Variants in MNAT1 observed in about 807,000 individuals in gnomAD.
The protein encoded by MNAT1 is MNAT1 component of CDK activating kinase.
A neutral mutation model predicts 42.0 loss-of-function variants in MNAT1; 43 were observed. The ratio of observed to expected loss-of-function variants is 1.02; its 90% CI spans 0.80 to 1.32. The LOEUF (loss-of-function observed/expected upper bound fraction) is 1.32, where lower values mean the gene tolerates loss of function less well. Ranked by LOEUF, MNAT1 falls within the 40% of genes most tolerant of loss-of-function variation. The pLI is 0.00. For synonymous variants in MNAT1, 118 were observed against 120.0 expected, an observed-to-expected ratio of 0.98 and a Z score of 0.11; for missense variants, 306 against 350.4, an observed-to-expected ratio of 0.87 and a Z score of 1.01.
intron 7 of MNAT1, among the ~76,000 whole-genome samples, chr14:60,939,978 A>G (rs1454323375): frequency 6.6e-6 from 1 of 152,110 alleles, no homozygotes; most frequent in Non-Finnish European, 1.5e-5. Flanking sequence ...TCCCTTTACC[A>G]TTATGTAATG....
chr14:60,793,131 A>C (rs934718921), intron 1 of MNAT1, among the ~76,000 whole-genome samples: 1 of 151,630 alleles, frequency 6.6e-6, no homozygotes, highest in African/African-American at 2.4e-5. Flanking sequence ...CAGCCTCCTG[A>C]GTAGCTGGGA....
intron 7 of MNAT1, among the ~76,000 whole-genome samples, chr14:60,912,950 C>G (rs970865766): frequency 6.6e-6 from 1 of 152,238 alleles, no homozygotes; most frequent in Non-Finnish European, 1.5e-5. Context: ...CTCCCCGTCA[C>G]TTTCAGGTAC....
At chr14:60,797,747 G>A (rs773215507) in intron 2 of MNAT1, among the ~76,000 whole-genome samples, 1 of 152,068 alleles carries the variant, frequency 6.6e-6, no homozygotes, top group Non-Finnish European at 1.5e-5. Flanking sequence ...CCAACATGGT[G>A]AAGTCCCATC....
At chr14:60,750,851 A>G (rs1178868711) in intron 1 of MNAT1, among the ~76,000 whole-genome samples, 1 of 152,128 alleles carries the variant, frequency 6.6e-6, no homozygotes, top group Non-Finnish European at 1.5e-5. Flanking sequence ...CCAAATATGG[A>G]AATGGTTTTG....
Position 60,930,206 on chromosome 14 carries a change from TTTATTATTATTA to T in MNAT1, c.810-37993_810-37982del, listed in dbSNP as rs71114168. Among the ~76,000 whole-genome samples the T allele has an allele frequency of 4.8e-4, 67 of 138,742 alleles. No homozygotes were observed. The South Asian group carries it at 5.7e-3, about 12-fold the overall frequency. 91.0% of individuals were successfully genotyped at this position (138,742 alleles called of 152,430 possible). On this transcript the variant is annotated intron_variant, in intron 7 of 7. Transcript: ENST00000261245. ...TATTACTAAAGATTCTTCTTCCGTC[TTTATTATTATTA>T]TTATTATTATTATTATTATTATTAT...
intron 6 of MNAT1, among the ~76,000 whole-genome samples, chr14:60,853,520 A>C (rs1019700103): frequency 1.3e-4 from 20 of 152,264 alleles, no homozygotes; most frequent in Admixed American, 7.2e-4. Context: ...CTCTCTTCCT[A>C]TTCAAATACT....
chr14:60,936,749 G>T lies in MNAT1; in HGVS notation c.810-31480G>T, dbSNP rs113678578. 3.1e-3 allele frequency among the ~76,000 whole-genome samples: 472 copies of T among 152,276 alleles called. 1 individual carries two copies. The highest frequency in any genetic ancestry group is 0.011 in the African/African-American group (449 of 41,558). ...CCTTTGGGTATATACCCAGTAATGGGATTGCTGGGTCAAATGGTATTTCTA... is the reference window on the plus strand; with the variant it reads ...CCTTTGGGTATATACCCAGTAATGGTATTGCTGGGTCAAATGGTATTTCTA... On this transcript the variant is annotated intron_variant, in intron 7 of 7. Coordinates refer to ENST00000261245, the MANE Select transcript of MNAT1 (RefSeq NM_002431.4).
At chr14:60,756,499 A>C (rs2030356353) in intron 1 of MNAT1, among the ~76,000 whole-genome samples, 1 of 152,228 alleles carries the variant, frequency 6.6e-6, no homozygotes, top group South Asian at 2.1e-4. Flanking sequence ...AATTTTAAAA[A>C]ATAGTATATT....
chr14:60,841,446 A>G (rs1294991334), intron 6 of MNAT1, among the ~76,000 whole-genome samples: 1 of 151,908 alleles, frequency 6.6e-6, no homozygotes, highest in East Asian at 1.9e-4. Flanking sequence ...TACAACACAT[A>G]AAGTTGTGTG....
At chr14:60,919,763 A>C (rs1489293488) in intron 7 of MNAT1, 1 of 157,962 alleles carries the variant, frequency 6.3e-6, no homozygotes, top group Non-Finnish European at 1.4e-5. Flanking sequence ...CTTCTGAGAG[A>C]CTTGGATGAC....
intron 1 of MNAT1, among the ~76,000 whole-genome samples, chr14:60,793,083 A>T (rs778723850): frequency 6.6e-6 from 1 of 151,636 alleles, no homozygotes; most frequent in Non-Finnish European, 1.5e-5. Flanking sequence ...CACTGGTATG[A>T]TCACAGCACA....
chr14:60,834,514 TGTGA>T (rs1271741299), intron 6 of MNAT1, among the ~76,000 whole-genome samples: 1 of 152,210 alleles, frequency 6.6e-6, no homozygotes, highest in Non-Finnish European at 1.5e-5. Context: ...TGCACTGGTG[TGTGA>T]GAGACCATTT....
At chr14:60,924,634 C>T (rs1594878993) in intron 7 of MNAT1, among the ~76,000 whole-genome samples, 2 of 23,498 alleles carry the variant, frequency 8.5e-5, no homozygotes. Flanking sequence ...ACATCACCCT[C>T]CCTGACTCTC....
At chr14:60,851,046 C>A (rs186959828) in intron 6 of MNAT1, among the ~76,000 whole-genome samples, 17 of 152,134 alleles carry the variant, frequency 1.1e-4, no homozygotes, top group African/African-American at 3.9e-4. Flanking sequence ...TAACTTTATT[C>A]TTTTTTGGGT....
intron 7 of MNAT1, among the ~76,000 whole-genome samples, chr14:60,901,667 A>G: frequency 6.6e-6 from 1 of 152,180 alleles, no homozygotes; most frequent in Non-Finnish European, 1.5e-5. Flanking sequence ...GTTAATTCCA[A>G]CCCCATGTTT....
intron 7 of MNAT1, among the ~76,000 whole-genome samples, chr14:60,900,560 G>A (rs1216611199): frequency 2.6e-5 from 4 of 152,184 alleles, no homozygotes; most frequent in South Asian, 2.1e-4. Flanking sequence ...TGCCATTTCC[G>A]TAACGTAAAG....
intron 6 of MNAT1, among the ~76,000 whole-genome samples, chr14:60,879,049 TC>T (rs1469914961): frequency 6.6e-6 from 1 of 152,080 alleles, no homozygotes; most frequent in Non-Finnish European, 1.5e-5. Flanking sequence ...TTTTTTTTTT[TC>T]CTCACAAATT....
chr14:60,883,268 G>A (rs1429208245), intron 7 of MNAT1, among the ~76,000 whole-genome samples: 2 of 152,082 alleles, frequency 1.3e-5, no homozygotes, highest in African/African-American at 2.4e-5. Context: ...GTGAGAGTTA[G>A]GGGTCTAGTT....
intron 7 of MNAT1, among the ~76,000 whole-genome samples, chr14:60,960,874 T>C (rs560267683): frequency 6.6e-6 from 1 of 152,346 alleles, no homozygotes; most frequent in South Asian, 2.1e-4. Context: ...AAGGAATCTC[T>C]CTGTATCTAC....
Sources: allele counts gnomAD v4.1 joint callset (sites outside exome capture counted in the v4.1 genomes callset), GRCh38; gene constraint gnomAD v4.1.1; transcripts MANE v1.5; gene names NCBI Gene and HGNC (gene_info 2026-07-23, HGNC 2026-07-21).